Variants in PAK5 observed in about 807,000 individuals in gnomAD.
PAK5 encodes p21 (RAC1) activated kinase 5, also known as serine/threonine-protein kinase PAK 5.
In PAK5, 16 loss-of-function variants were observed where a neutral mutation model predicts 65.9. The ratio of observed to expected loss-of-function variants is 0.24; its 90% CI spans 0.16 to 0.37. The LOEUF (loss-of-function observed/expected upper bound fraction) is 0.37, where lower values mean the gene tolerates loss of function less well. Ranked by LOEUF, PAK5 falls within the 10% of genes least tolerant of loss-of-function variation. PAK5 has a pLI of 1.00. For missense variants in PAK5, 785 were observed against 903.9 expected, an observed-to-expected ratio of 0.87 and a Z score of 1.69; for synonymous variants, 371 against 354.9, an observed-to-expected ratio of 1.05 and a Z score of -0.51.
chr20:9,547,036 G>A (rs1238658704), intron 7 of PAK5, among the ~76,000 whole-genome samples: 1 of 152,110 alleles, frequency 6.6e-6, no homozygotes, highest in East Asian at 1.9e-4. Flanking sequence ...GTGAAGGTGA[G>A]GTCATATTGG....
At chr20:9,743,941 A>T (rs1052035735) in intron 1 of PAK5, among the ~76,000 whole-genome samples, 7 of 152,170 alleles carry the variant, frequency 4.6e-5, no homozygotes, top group Non-Finnish European at 7.4e-5. Flanking sequence ...CCTAAATACC[A>T]TCATATATAT....
intron 1 of PAK5, among the ~76,000 whole-genome samples, chr20:9,755,383 GACTT>G (rs929540200): frequency 1.3e-5 from 2 of 152,112 alleles, no homozygotes; most frequent in Non-Finnish European, 2.9e-5. Flanking sequence ...GAATAAAACA[GACTT>G]AATTAATAGA....
At chr20:9,671,992 G>C (rs2047505397) in intron 2 of PAK5, among the ~76,000 whole-genome samples, 1 of 152,016 alleles carries the variant, frequency 6.6e-6, no homozygotes, top group Admixed American at 6.6e-5. Flanking sequence ...AGATAAGAAA[G>C]AGCTTTGTTC....
At chr20:9,590,640 T>G (rs1029298297) in intron 3 of PAK5, among the ~76,000 whole-genome samples, 2 of 145,964 alleles carry the variant, frequency 1.4e-5, no homozygotes, top group African/African-American at 2.5e-5. Flanking sequence ...AAAAAAGAAA[T>G]AAGCCTCCCC....
At chr20:9,699,931 C>T (rs923070639) in intron 2 of PAK5, among the ~76,000 whole-genome samples, 11 of 152,154 alleles carry the variant, frequency 7.2e-5, no homozygotes, top group African/African-American at 2.4e-4. Context: ...TAAGCAGTTA[C>T]CCCTGAGCTG....
At chr20:9,578,596 C>T (rs1022089538) in intron 4 of PAK5, among the ~76,000 whole-genome samples, 2 of 152,160 alleles carry the variant, frequency 1.3e-5, no homozygotes, top group Non-Finnish European at 2.9e-5. Context: ...AAAAAAATAA[C>T]CACTGATATT....
chr20:9,698,340 T>C (rs554886611), intron 2 of PAK5, among the ~76,000 whole-genome samples: 2 of 152,298 alleles, frequency 1.3e-5, no homozygotes, highest in East Asian at 1.9e-4. Flanking sequence ...CATGGAGTTA[T>C]ACTCTTTGGC....
Position 9,827,206 on chromosome 20 carries a change from T to G in PAK5, c.-162+11556A>C, listed in dbSNP as rs112495001. ...ACTTTTAGATTAGCTGATTTTAGAT[T>G]AGCCAATTTTTGTTTAGGACTCCAA... is the stretch of plus-strand genomic sequence containing the variant. On this transcript the variant is annotated intron_variant, in intron 1 of 9. Transcript: ENST00000353224. Among the ~76,000 whole-genome samples the G allele has an allele frequency of 7.6e-3, 1,165 of 152,344 alleles. 17 individuals are homozygous for G. Among genetic ancestry groups the G allele is most frequent in the African/African-American group, 0.027 (1,104 of 41,580 alleles).
rs149763737 is a variant in PAK5, at chr20:9,818,283, T to C, written c.-162+20479A>G. Among the ~76,000 whole-genome samples the C allele has an allele frequency of 3.0e-3, 462 of 152,260 alleles. 4 individuals are homozygous for C. The highest frequency in any genetic ancestry group is 0.01 in the African/African-American group (434 of 41,552). On this transcript the variant is annotated intron_variant, in intron 1 of 9. Transcript: ENST00000353224. ...ATTAGGTCAGTTTAGCCATCCTCCTTACCCAGATGTTTCCTCTTGGTAATT... is the reference window on the plus strand; with the variant it reads ...ATTAGGTCAGTTTAGCCATCCTCCTCACCCAGATGTTTCCTCTTGGTAATT...
At chr20:9,759,577 G>C (rs1212313759) in intron 1 of PAK5, among the ~76,000 whole-genome samples, 1 of 152,112 alleles carries the variant, frequency 6.6e-6, no homozygotes, top group Non-Finnish European at 1.5e-5. Context: ...TCTCTATCAA[G>C]CTCCCAGATG....
At chr20:9,750,204 C>T (rs567526669) in intron 1 of PAK5, among the ~76,000 whole-genome samples, 2 of 152,026 alleles carry the variant, frequency 1.3e-5, no homozygotes, top group Non-Finnish European at 2.9e-5. Context: ...CCTGACACCT[C>T]CTAACACGTA....
At chr20:9,825,881 A>G (rs1290798603) in intron 1 of PAK5, among the ~76,000 whole-genome samples, 1 of 152,210 alleles carries the variant, frequency 6.6e-6, no homozygotes, top group Non-Finnish European at 1.5e-5. Context: ...GGATAAAATG[A>G]TCCAAAAATA....
intron 3 of PAK5, among the ~76,000 whole-genome samples, chr20:9,627,528 A>G (rs2046861816): frequency 6.6e-6 from 1 of 152,222 alleles, no homozygotes; most frequent in African/African-American, 2.4e-5. Flanking sequence ...CAGGTGAAAG[A>G]TACCACTGGA....
chr20:9,801,817 T>C (rs145318184), intron 1 of PAK5, among the ~76,000 whole-genome samples: 2 of 152,200 alleles, frequency 1.3e-5, no homozygotes, highest in East Asian at 3.9e-4. Context: ...TTGAGATACA[T>C]TAAAATTAAT....
At chr20:9,826,180 A>C (rs1347232741) in intron 1 of PAK5, among the ~76,000 whole-genome samples, 1 of 152,028 alleles carries the variant, frequency 6.6e-6, no homozygotes, top group Non-Finnish European at 1.5e-5. Flanking sequence ...TTTTTGAATA[A>C]GAGAAGTCAG....
chr20:9,811,976 C>T (rs2049303032), intron 1 of PAK5, among the ~76,000 whole-genome samples: 1 of 152,088 alleles, frequency 6.6e-6, no homozygotes, highest in African/African-American at 2.4e-5. Context: ...AATTATAGCA[C>T]CTACATCATA....
At chr20:9,695,544 C>T (rs1453905869) in intron 2 of PAK5, among the ~76,000 whole-genome samples, 2 of 151,978 alleles carry the variant, frequency 1.3e-5, no homozygotes, top group African/African-American at 4.8e-5. Flanking sequence ...AATGCAGTGA[C>T]CTTTAATAAC....
At chr20:9,819,954 C>A (rs1200242233) in intron 1 of PAK5, among the ~76,000 whole-genome samples, 1 of 152,060 alleles carries the variant, frequency 6.6e-6, no homozygotes, top group Non-Finnish European at 1.5e-5. Context: ...AGATAGCTTG[C>A]CCAAGAAAGA....
intron 2 of PAK5, among the ~76,000 whole-genome samples, chr20:9,704,351 G>T (rs142553896): frequency 6.6e-6 from 1 of 152,242 alleles, no homozygotes; most frequent in South Asian, 2.1e-4. Context: ...GTCAAAAGTA[G>T]CCATCTACTT....
Sources: gnomAD v4.1 joint callset for allele counts (sites outside exome capture counted in the v4.1 genomes callset) on GRCh38, gnomAD v4.1.1 for gene constraint, MANE v1.5 for transcripts, NCBI Gene and HGNC (gene_info 2026-07-23, HGNC 2026-07-21) for gene names.